Variants in EMP2 observed in about 807,000 individuals in gnomAD.
EMP2 encodes the protein epithelial membrane protein 2.
A neutral mutation model predicts 13.7 loss-of-function variants in EMP2; 19 were observed. The ratio of observed to expected loss-of-function variants is 1.38; its 90% confidence interval spans 0.97 to 2.03. The LOEUF (loss-of-function observed/expected upper bound fraction) is 2.03. Ranked by LOEUF, EMP2 falls within the 30% of genes most tolerant of loss-of-function variation. The pLI is 0.00. For synonymous variants in EMP2, 97 were observed against 84.7 expected, an observed-to-expected ratio of 1.15 and a Z score of -0.80; for missense variants, 253 against 220.7, an observed-to-expected ratio of 1.15 and a Z score of -0.93.
chr16:10,547,750 T>A, intron 1 of EMP2, 73 bp from the exon 2 acceptor site: 2 of 872,408 alleles, frequency 2.3e-6, no homozygotes, highest in Non-Finnish European at 3.5e-6. Flanking sequence ...AATAAACACC[T>A]TTTAGCTGGG....
intron 1 of EMP2, among the ~76,000 whole-genome samples, chr16:10,568,780 CTTT>C (rs58406598): frequency 1.3e-4 from 11 of 85,232 alleles, no homozygotes; most frequent in East Asian, 3.7e-4. Context: ...CTAGGATTTT[CTTT>C]TTTTTTTTTT....
intron 3 of EMP2, among the ~76,000 whole-genome samples, chr16:10,540,244 G>A (rs1375201513): frequency 4.6e-5 from 7 of 152,148 alleles, no homozygotes; most frequent in African/African-American, 9.7e-5. Context: ...GGTGACTCAC[G>A]CCTGTAATCC....
chr16:10,561,382 G>C (rs1406135143), intron 1 of EMP2, among the ~76,000 whole-genome samples: 1 of 152,158 alleles, frequency 6.6e-6, no homozygotes, highest in Non-Finnish European at 1.5e-5. Flanking sequence ...GTACACAGGT[G>C]GCAGACAAAG....
In EMP2 at chr16:10,531,598, G is replaced by C. The variant is rs1324369851; in HGVS notation, c.*1307C>G. ...ACCCGCCTCAGCCTCCCAAAGTGCT[G>C]GGATTACAAGCATGAGCCACTGTAC... On this transcript the variant is annotated 3_prime_UTR_variant, in exon 5 of 5. Coordinates refer to ENST00000359543, the MANE Select transcript of EMP2 (RefSeq NM_001424.6). 2 of 151,942 alleles carry C rather than the reference G, an allele frequency of 1.3e-5. No homozygotes were observed. The highest frequency in any genetic ancestry group is 2.9e-5 in the Non-Finnish European group (2 of 67,938). 9.4% of individuals were successfully genotyped at this position (151,942 alleles called of 1,614,324 possible).
At chr16:10,558,500 TGTGTGTC>T (rs2050849058) in intron 1 of EMP2, among the ~76,000 whole-genome samples, 1 of 129,898 alleles carries the variant, frequency 7.7e-6, no homozygotes, top group Non-Finnish European at 1.7e-5. Context: ...TGTGTGTGTG[TGTGTGTC>T]GCACGTCTAG....
intron 1 of EMP2, among the ~76,000 whole-genome samples, chr16:10,564,405 T>A (rs958598406): frequency 6.7e-6 from 1 of 148,576 alleles, no homozygotes; most frequent in Non-Finnish European, 1.5e-5. Flanking sequence ...GCAGGAGAAT[T>A]GCTTGAACCT....
intron 1 of EMP2, among the ~76,000 whole-genome samples, chr16:10,572,290 C>G (rs1183125726): frequency 6.6e-6 from 1 of 151,890 alleles, no homozygotes; most frequent in Non-Finnish European, 1.5e-5. Flanking sequence ...ACCCCAGTCT[C>G]TACAAAAAAT....
Position 10,532,852 on chromosome 16 carries a change from G to T in EMP2, c.*53C>A. The T allele has an allele frequency of 1.8e-6, 2 of 1,108,288 alleles. No individual in the cohort carries two copies. The highest frequency in any genetic ancestry group is 2.2e-6 in the Non-Finnish European group (2 of 891,136). 68.7% of individuals were successfully genotyped at this position (1,108,288 alleles called of 1,614,324 possible). On this transcript the variant is annotated 3_prime_UTR_variant, in exon 5 of 5. Coordinates refer to ENST00000359543, the MANE Select transcript of EMP2 (RefSeq NM_001424.6). ...AAAAATAATGATTATATACAAAATG[G>T]TTATCTGAATGTGGATTCTGTACTG...
chr16:10,579,491 T>C (rs1829861907), intron 1 of EMP2, among the ~76,000 whole-genome samples: 1 of 152,124 alleles, frequency 6.6e-6, no homozygotes. Flanking sequence ...CCAAAACTTT[T>C]TCATCCTCCC....
intron 1 of EMP2, among the ~76,000 whole-genome samples, chr16:10,565,916 CT>C (rs1433455239): frequency 6.6e-6 from 1 of 152,228 alleles, no homozygotes; most frequent in Non-Finnish European, 1.5e-5. Flanking sequence ...GATATTGCAT[CT>C]GCTCAATGAC....
chr16:10,576,179 A>G (rs1225333953), intron 1 of EMP2, among the ~76,000 whole-genome samples: 1 of 152,006 alleles, frequency 6.6e-6, no homozygotes, highest in Admixed American at 6.6e-5. Context: ...TTTTCCCCCA[A>G]TACCAATCAA....
chr16:10,538,144 C>T (rs527507321), intron 3 of EMP2, 70 bp from the exon 4 acceptor site: 112 of 1,569,744 alleles, frequency 7.1e-5, no homozygotes, highest in Middle Eastern at 2.3e-4. Context: ...ACACAGCGAC[C>T]GCAGCAGCTC....
chr16:10,565,545 C>A (rs1487974920), intron 1 of EMP2, among the ~76,000 whole-genome samples: 1 of 152,126 alleles, frequency 6.6e-6, no homozygotes, highest in Non-Finnish European at 1.5e-5. Flanking sequence ...GAGCAAATTC[C>A]CTAAAACAAA....
intron 1 of EMP2, among the ~76,000 whole-genome samples, chr16:10,562,336 T>TTCTCTCTCTCTCTCTCTCTC (rs540802206): frequency 1.6e-4 from 20 of 124,184 alleles, no homozygotes; most frequent in Non-Finnish European, 2.1e-4. Flanking sequence ...CTCATGCATG[T>TTCTCTCTCTCTCTCTCTCTC]TCTCTCTCTC....
intron 1 of EMP2, among the ~76,000 whole-genome samples, chr16:10,554,977 G>C (rs911363809): frequency 6.6e-6 from 1 of 151,978 alleles, no homozygotes; most frequent in Non-Finnish European, 1.5e-5. Flanking sequence ...CATCTTATTC[G>C]TTCAGTTGTT....
chr16:10,563,186 T>C lies in EMP2; in HGVS notation c.-60-15509A>G, dbSNP rs545239744. ...TCTTGGTTTAACAGCATTTCCTCTT[T>C]ATTATTATTATTATTATTATTTTGA... On this transcript the variant is annotated intron_variant, in intron 1 of 4. Coordinates refer to ENST00000359543, the MANE Select transcript of EMP2 (RefSeq NM_001424.6). Among the ~76,000 whole-genome samples, 198 of 78,088 alleles carry C rather than the reference T, an allele frequency of 2.5e-3. 1 individual carries two copies. Among genetic ancestry groups the C allele is most frequent in the African/African-American group, 0.022 (195 of 8,872 alleles). The allele number at this position is 78,088 out of a possible 152,430, so 51.2% of individuals were successfully genotyped here. A position where few individuals can be genotyped will look rare whatever the true frequency, so the allele number is the denominator to read the frequency against.
At chr16:10,556,336 G>A (rs2050827522) in intron 1 of EMP2, among the ~76,000 whole-genome samples, 1 of 152,066 alleles carries the variant, frequency 6.6e-6, no homozygotes, top group South Asian at 2.1e-4. Flanking sequence ...CGCAACAAAT[G>A]TATGGTTTTG....
intron 1 of EMP2, among the ~76,000 whole-genome samples, chr16:10,576,172 TC>T (rs1340447154): frequency 6.6e-6 from 1 of 152,044 alleles, no homozygotes; most frequent in Non-Finnish European, 1.5e-5. Flanking sequence ...TTACATTTTT[TC>T]CCCCAATACC....
intron 1 of EMP2, among the ~76,000 whole-genome samples, chr16:10,549,883 C>CT (rs59259895): frequency 0.013 from 1,472 of 112,210 alleles, 21 homozygotes; most frequent in Non-Finnish European, 0.016. Context: ...TTTTCTTTTT[C>CT]TTTTTTTTTT....
Sources: allele counts gnomAD v4.1 joint callset (sites outside exome capture counted in the v4.1 genomes callset), GRCh38; gene constraint gnomAD v4.1.1; transcripts MANE v1.5; gene names NCBI Gene and HGNC (gene_info 2026-07-23, HGNC 2026-07-21).